Variants in PRPF6 observed in about 807,000 individuals in gnomAD.
PRPF6 encodes the protein pre-mRNA processing factor 6, also known as pre-mRNA-processing factor 6.
PRPF6 carries 42 observed loss-of-function variants against 118.3 expected under a neutral mutation model. The ratio of observed to expected loss-of-function variants is 0.35; its 90% confidence interval spans 0.28 to 0.46. The LOEUF (loss-of-function observed/expected upper bound fraction) is 0.46. Among genes scored for constraint, PRPF6 ranks in the 20% least tolerant of loss-of-function variants. The probability of loss-of-function intolerance (pLI) is 1.00; values close to 1 mark genes in which losing one functional copy is unlikely to be tolerated. For synonymous variants in PRPF6, 481 were observed against 485.1 expected, an observed-to-expected ratio of 0.99 and a Z score of 0.11; for missense variants, 662 against 1,255.7, an observed-to-expected ratio of 0.53 and a Z score of 7.15.
At chr20:63,996,273 AG>A (rs995263616) in intron 6 of PRPF6, among the ~76,000 whole-genome samples, 1 of 152,136 alleles carries the variant, frequency 6.6e-6, no homozygotes, top group Non-Finnish European at 1.5e-5. Flanking sequence ...CGGGCGTTGG[AG>A]GTTGCAGTGA....
At chr20:63,983,654 T>G (rs1395365516) in intron 2 of PRPF6, among the ~76,000 whole-genome samples, 1 of 138,040 alleles carries the variant, frequency 7.2e-6, no homozygotes, top group African/African-American at 3.1e-5. Flanking sequence ...TGGCCAGTCT[T>G]TTTTTTTTTT....
At chr20:63,995,706 G>T (rs2059138543) in intron 6 of PRPF6, among the ~76,000 whole-genome samples, 2 of 151,412 alleles carry the variant, frequency 1.3e-5, no homozygotes, top group African/African-American at 2.4e-5. Context: ...TCAGAGGCTG[G>T]AGTGCAATGG....
chr20:64,003,893 C>T (rs930905151), intron 9 of PRPF6, among the ~76,000 whole-genome samples: 3 of 152,180 alleles, frequency 2.0e-5, no homozygotes, highest in African/African-American at 4.8e-5. Flanking sequence ...CCACCGCGCC[C>T]GGCCAGAGAC....
chr20:63,999,159 G>A lies in PRPF6; in HGVS notation c.866+20G>A, dbSNP rs771775817. On this transcript the variant is annotated intron_variant, in intron 7 of 20. Transcript: ENST00000266079. ...CATCAAGTGAGTGCTTTGCAGAATC[G>A]CTGGGCTGGGATGGAGACTCTAGTT... The A allele has an allele frequency of 6.9e-6, 11 of 1,604,950 alleles. No individual in the cohort carries two copies. The highest frequency in any genetic ancestry group is 2.7e-5 in the African/African-American group (2 of 74,730).
intron 4 of PRPF6, among the ~76,000 whole-genome samples, chr20:63,994,012 A>G (rs1041801151): frequency 6.6e-6 from 1 of 151,846 alleles, no homozygotes; most frequent in African/African-American, 2.4e-5. Context: ...AGCCTCCCAA[A>G]GGGCTGGGAT....
Position 64,002,014 on chromosome 20 carries a change from G to T in PRPF6, c.1186+775G>T, listed in dbSNP as rs1395653488. ...TTTCATTTTTTGTTTTTTTTTTCTG[G>T]TTTTTTTTTTTTTTTTTTTTTTGAG... On this transcript the variant is annotated intron_variant, in intron 9 of 20. Transcript: ENST00000266079. 7.6e-4 allele frequency among the ~76,000 whole-genome samples: 63 copies of T among 83,268 alleles called. 1 individual carries two copies. Among genetic ancestry groups the T allele is most frequent in the East Asian group, 2.0e-3 (5 of 2,520 alleles). 54.6% of individuals were successfully genotyped at this position (83,268 alleles called of 152,430 possible). A position where few individuals can be genotyped will look rare whatever the true frequency, so the allele number is the denominator to read the frequency against.
intron 3 of PRPF6, among the ~76,000 whole-genome samples, chr20:63,990,868 C>T (rs2059115714): frequency 6.6e-6 from 1 of 151,890 alleles, no homozygotes; most frequent in South Asian, 2.1e-4. Context: ...GTTAGCCAGG[C>T]TGGTCTTGAA....
chr20:63,986,366 A>G (rs958279549), intron 3 of PRPF6, among the ~76,000 whole-genome samples: 3 of 149,966 alleles, frequency 2.0e-5, no homozygotes, highest in Non-Finnish European at 3.0e-5. Flanking sequence ...AAAAAAAAAG[A>G]TCGTTCATCA....
chr20:64,006,171 C>T (rs2059188992), intron 9 of PRPF6, among the ~76,000 whole-genome samples: 1 of 152,118 alleles, frequency 6.6e-6, no homozygotes, highest in Non-Finnish European at 1.5e-5. Flanking sequence ...AGATAGTCTC[C>T]CACAGTGGGT....
rs1430365366 is a variant in PRPF6 at position 64,027,422 on chromosome 20, C to T, written c.2206-181C>T. ...GCTGGTACGTACAGACCTGTGTGCACAGGTCCACAGCACCACCGCACACCT... is the reference window on the plus strand; with the variant it reads ...GCTGGTACGTACAGACCTGTGTGCATAGGTCCACAGCACCACCGCACACCT... On this transcript the variant is annotated intron_variant, in intron 16 of 20. Coordinates refer to ENST00000266079, the MANE Select transcript of PRPF6 (RefSeq NM_012469.4). This position sits in a 1 kb window ranked among gnomAD's most constrained non-coding sequence, Gnocchi z 6.5. Among the ~76,000 whole-genome samples the T allele has an allele frequency of 6.6e-6, 1 of 152,158 alleles. No homozygotes were observed. Among genetic ancestry groups the T allele is most frequent in the Admixed American group, 6.5e-5 (1 of 15,274 alleles).
At chr20:63,994,138 T>C (rs2059131197) in intron 4 of PRPF6, among the ~76,000 whole-genome samples, 1 of 151,772 alleles carries the variant, frequency 6.6e-6, no homozygotes, top group South Asian at 2.1e-4. Flanking sequence ...ATCCAATAAA[T>C]TGATTTTTCT....
Position 64,028,692 on chromosome 20 carries a change from G to T in PRPF6, c.2431+123G>T, listed in dbSNP as rs1237356905. On this transcript the variant is annotated intron_variant, in intron 18 of 20. Coordinates refer to ENST00000266079, the MANE Select transcript of PRPF6 (RefSeq NM_012469.4). This position sits in a 1 kb window ranked among gnomAD's most constrained non-coding sequence, Gnocchi z 6.5. The stretch of plus-strand genomic sequence containing the variant: ...CGCAGGGCTGGCACTTCCTGAGGGA[G>T]TGGGGGCTCAGGCTTCAGACGGACT... 9.8e-7 allele frequency: 1 copy of T among 1,024,796 alleles called. No homozygotes were observed. Among genetic ancestry groups the T allele is most frequent in the African/African-American group, 1.6e-5 (1 of 62,800 alleles). 63.5% of individuals were successfully genotyped at this position (1,024,796 alleles called of 1,614,324 possible). A position where few individuals can be genotyped will look rare whatever the true frequency, so the allele number is the denominator to read the frequency against.
chr20:63,993,636 A>G (rs1290953727), intron 4 of PRPF6, 151 bp downstream of exon 4: 4 of 686,596 alleles, frequency 5.8e-6, no homozygotes, highest in Middle Eastern at 2.9e-4. Flanking sequence ...TTGCTTCAGT[A>G]TGTTTAATTA....
intron 3 of PRPF6, among the ~76,000 whole-genome samples, chr20:63,987,498 G>C (rs1214820193): frequency 5.3e-5 from 8 of 151,980 alleles, no homozygotes; most frequent in African/African-American, 1.9e-4. Context: ...AGCCACATAT[G>C]GTAGGCCCAC....
In PRPF6 at chr20:63,981,254, G is replaced by A; in HGVS notation, c.9G>A (p.Lys3=). The A allele has an allele frequency of 1.2e-6, 2 of 1,608,928 alleles. No homozygotes were observed. Among genetic ancestry groups the A allele is most frequent in the Non-Finnish European group, 1.7e-6 (2 of 1,177,688 alleles). Residue 3 remains lysine (K), a synonymous_variant, in exon 1 of 21, where the codon AAG becomes AAA. Transcript: ENST00000266079. ...TGGTCGTCGCCGCCACCATGAACAA[G>A]AAGAAGAAACCGTTCCTAGGGATGC... MN[K]KKKPFLGMPA...
chr20:64,008,052 C>G (rs890754182), intron 9 of PRPF6, among the ~76,000 whole-genome samples: 3 of 152,244 alleles, frequency 2.0e-5, no homozygotes, highest in African/African-American at 7.2e-5. Context: ...GCTGGGATTA[C>G]AGGCGTGAGC....
Position 64,026,193 on chromosome 20 carries a change from G to A in PRPF6, c.2028+135G>A, listed in dbSNP as rs2059289650. The A allele has an allele frequency of 4.1e-6, 6 of 1,477,892 alleles. No individual in the cohort carries two copies. In the African/African-American group the frequency reaches 4.2e-5, roughly 10 times the overall value. 91.5% of individuals were successfully genotyped at this position (1,477,892 alleles called of 1,614,324 possible). On this transcript the variant is annotated intron_variant, in intron 15 of 20. Transcript: ENST00000266079. The surrounding 1 kb of genome is among the most constrained non-coding windows in gnomAD (Gnocchi z 4.4). ...ACCACAGCACACTCATCTTTGTGAT[G>A]TGACTAAAACATTCATGTGGCCGGG...
intron 12 of PRPF6, among the ~76,000 whole-genome samples, chr20:64,022,338 G>A (rs1182461048): frequency 6.6e-6 from 1 of 152,218 alleles, no homozygotes; most frequent in East Asian, 1.9e-4. Context: ...GACAGAGTGT[G>A]ACTCTGTCGC....
Position 63,999,036 on chromosome 20 carries a change from G to A in PRPF6, c.772-9G>A. ...GTCCAGCTGACTCTTAGCTTGGCCT[G>A]TCTCACAGGTGTCTGACTCCGTGAG... On this transcript the variant is annotated splice_polypyrimidine_tract_variant and intron_variant, in intron 6 of 20. Transcript: ENST00000266079. 1 of 1,610,272 alleles carries A rather than the reference G, an allele frequency of 6.2e-7. No homozygotes were observed. Among genetic ancestry groups the A allele is most frequent in the Non-Finnish European group, 8.5e-7 (1 of 1,177,096 alleles).
Sources: allele counts gnomAD v4.1 joint callset (sites outside exome capture counted in the v4.1 genomes callset), GRCh38; gene constraint gnomAD v4.1.1; non-coding constraint Gnocchi (gnomAD v3.1); transcripts MANE v1.5; gene names NCBI Gene and HGNC (gene_info 2026-07-23, HGNC 2026-07-21).